The following TRIM49B variants were observed in gnomAD, a reference collection of about 807,000 sequenced individuals.
The protein encoded by TRIM49B is tripartite motif containing 49B.
TRIM49B carries 18 observed loss-of-function variants against 31.8 expected under a neutral mutation model. The observed-to-expected ratio is 0.57, with a 90% CI of 0.39 to 0.84. The LOEUF (loss-of-function observed/expected upper bound fraction) is 0.84. Among genes scored for constraint, TRIM49B ranks in the 40% least tolerant of loss-of-function variants. The pLI is 0.00. For missense variants in TRIM49B, 494 were observed against 538.7 expected (o/e 0.92, Z 0.82); for synonymous variants, 196 against 180.6 (o/e 1.09, Z -0.68).
Position 49,034,259 on chromosome 11 carries a change from T to C in TRIM49B, c.621T>C (p.Asp207=), listed in dbSNP as rs751931740. 5 of 1,611,974 alleles carry C rather than the reference T, an allele frequency of 3.1e-6. No individual in the cohort carries two copies. Among genetic ancestry groups the C allele is most frequent in the South Asian group, 1.1e-5 (1 of 90,986 alleles). The change falls in exon 4 of 7, where the codon GAT becomes GAC. Residue 207 remains aspartate (D), a synonymous_variant. Coordinates refer to ENST00000332682, the MANE Select transcript of TRIM49B (RefSeq NM_001206626.2). ...NLEMLKKKGK[D]IFHRLHLSKA... ...AGATGCTGAAAAAGAAGGGGAAAGA[T>C]ATTTTTCATCGACTTCATTTAAGTA...
At chr11:49,031,574 C>A (rs780631709) in intron 1 of TRIM49B, 22 bp from the exon 2 acceptor site, 2 of 1,611,202 alleles carry the variant, frequency 1.2e-6, no homozygotes, top group East Asian at 4.5e-5. Context: ...CCCAAAATGA[C>A]ATGTTTCTCT....
chr11:49,032,298 A>G lies in TRIM49B; in HGVS notation c.434A>G (p.Gln145Arg), dbSNP rs760116005. ...EHQEKLLQKM[Q>R]SLWEKACENH... ...CAGGAGAAGCTTTTACAGAAAATGC[A>G]GTCTTTGTGGGAAAAAGCTTGTGAA... Residue 145 changes from glutamine to arginine, a missense_variant, in exon 3 of 7, where the codon CAG becomes CGG. By Grantham distance (43) the Gln-to-Arg change is conservative (BLOSUM62 1). Around this residue, in one of 3 missense-constraint regions of TRIM49B, gnomAD observed 251 missense variants for 232.8 expected, o/e 1.08. Coordinates refer to ENST00000332682, the MANE Select transcript of TRIM49B (RefSeq NM_001206626.2). 1.2e-6 allele frequency: 2 copies of G among 1,613,202 alleles called. No individual in the cohort carries two copies. Among genetic ancestry groups the G allele is most frequent in the Non-Finnish European group, 1.7e-6 (2 of 1,179,764 alleles).
rs1160684806 is a variant in TRIM49B, at chr11:49,036,898, A to G, written c.859+500A>G. On this transcript the variant is annotated intron_variant, in intron 6 of 6. Coordinates refer to ENST00000332682, the MANE Select transcript of TRIM49B (RefSeq NM_001206626.2). ...AAAAGGAAGAAATCATTTTGTGAAT[A>G]TAAGTAAAATTACAAATGAAAATAA... 2.6e-5 allele frequency among the ~76,000 whole-genome samples: 4 copies of G among 152,244 alleles called. No homozygotes were observed. The South Asian group carries it at 6.2e-4, about 24-fold the overall frequency.
chr11:49,029,701 T>C (rs922725058), intron 1 of TRIM49B, among the ~76,000 whole-genome samples: 3 of 152,240 alleles, frequency 2.0e-5, no homozygotes, highest in African/African-American at 7.2e-5. Context: ...ACAAAGATTA[T>C]AGTTTTTATA....
At chr11:49,032,033 G>T (rs1464291697) in intron 2 of TRIM49B, 23 bp downstream of exon 2, 1 of 1,611,734 alleles carries the variant, frequency 6.2e-7, no homozygotes, top group Admixed American at 1.7e-5. Context: ...TCTGAAGATC[G>T]ATTTCTGTAA....
At chr11:49,037,319 C>T (rs2696915) in intron 6 of TRIM49B, among the ~76,000 whole-genome samples, 159 bp from the exon 7 acceptor site, 122,779 of 152,098 alleles carry the variant, frequency 0.81, 49,879 homozygotes, top group African/African-American at 0.83. Context: ...GGTTAGGGTT[C>T]TGTTTGTCTT....
At chr11:49,031,120 C>T (rs1364412931) in intron 1 of TRIM49B, among the ~76,000 whole-genome samples, 2 of 151,902 alleles carry the variant, frequency 1.3e-5, no homozygotes, top group Non-Finnish European at 2.9e-5. Flanking sequence ...TGGTGGTTTG[C>T]TGCCCGGCTT....
chr11:49,035,490 C>G, intron 5 of TRIM49B, among the ~76,000 whole-genome samples: 1 of 151,192 alleles, frequency 6.6e-6, no homozygotes. Flanking sequence ...CTCCCGAGTA[C>G]CGGGGACTAC....
At chr11:49,036,180 A>C in intron 5 of TRIM49B, 121 bp from the exon 6 acceptor site, 1 of 1,527,700 alleles carries the variant, frequency 6.5e-7, no homozygotes, top group Non-Finnish European at 8.8e-7. Context: ...GGAAGGAATA[A>C]TTTTTGAATT....
rs1854529271 is a variant in TRIM49B at position 49,036,295 on chromosome 11, T to C, written c.762-6T>C. 2 of 1,522,580 alleles carry C rather than the reference T, an allele frequency of 1.3e-6. No homozygotes were observed. The allele number at this position is 1,522,580 out of a possible 1,614,324, so 94.3% of individuals were successfully genotyped here. ...AGATGTTGTAACTGCAGGTTTTTCC[T>C]TGCAGGAGTGAGTCCGTGCTGCTGC... is the stretch of plus-strand genomic sequence containing the variant. On this transcript the variant is annotated splice_polypyrimidine_tract_variant and splice_region_variant and intron_variant, in intron 5 of 6. Coordinates refer to ENST00000332682, the MANE Select transcript of TRIM49B (RefSeq NM_001206626.2).
chr11:49,035,029 A>G, intron 4 of TRIM49B, 66 bp from the exon 5 acceptor site: 1 of 1,602,092 alleles, frequency 6.2e-7, no homozygotes, highest in Non-Finnish European at 8.5e-7. Flanking sequence ...CAAATCTCAC[A>G]CTGAACTTAG....
Position 49,036,373 on chromosome 11 carries a change from G to C in TRIM49B, c.834G>C (p.Leu278=). Residue 278 remains leucine, a synonymous_variant, in exon 6 of 7, where the codon CTG becomes CTC. Transcript: ENST00000332682. ...TCAGTGCAGGGCCCATCACTGGACT[G>C]AGGGACAGGCTCAACCAATTCCGAG... ...PELSAGPITG[L]RDRLNQFRVH... 6.4e-7 allele frequency: 1 copy of C among 1,574,718 alleles called. No individual in the cohort carries two copies. Among genetic ancestry groups the C allele is most frequent in the Non-Finnish European group, 8.6e-7 (1 of 1,160,006 alleles).
Position 49,031,756 on chromosome 11 carries a change from T to C in TRIM49B, c.157T>C (p.Ser53Pro), listed in dbSNP as rs756536833. The change falls in exon 2 of 7, where the codon TCT (serine) becomes CCT (proline). Residue 53 changes from serine to proline, a missense_variant. Ser to Pro is a moderately conservative substitution (Grantham distance 74, BLOSUM62 -1). Transcript: ENST00000332682. ...WKDSPFLVQC[S>P]ECTKSTGQIN... is the part of the protein sequence containing the mutation. ...AGACAGCCCATTTCTTGTCCAGTGC[T>C]CTGAATGCACAAAGTCAACAGGGCA... The C allele has an allele frequency of 1.2e-6, 2 of 1,614,008 alleles. No individual in the cohort carries two copies. The highest frequency in any genetic ancestry group is 2.2e-5 in the South Asian group (2 of 91,082).
intron 5 of TRIM49B, among the ~76,000 whole-genome samples, chr11:49,035,640 G>T (rs1280475118): frequency 6.6e-6 from 1 of 152,020 alleles, no homozygotes; most frequent in Non-Finnish European, 1.5e-5. Context: ...TTACAGGCGT[G>T]AACCACCGCG....
chr11:49,034,408 G>C (rs760021858), intron 4 of TRIM49B, 32 bp downstream of exon 4: 1 of 1,611,782 alleles, frequency 6.2e-7, no homozygotes, highest in African/African-American at 1.3e-5. Context: ...TCAGGTTTTT[G>C]AATATTCACA....
At position 49,038,042 on chromosome 11, in the gene TRIM49B, C is replaced by G. The variant is rs1364783270; in HGVS notation, c.*65C>G. ...CCCCTTTATCCCAGGAAGTCCTCTT[C>G]CTTGTGCCTTAACATACAGGACAAA... On this transcript the variant is annotated 3_prime_UTR_variant, in exon 7 of 7. Coordinates refer to ENST00000332682, the MANE Select transcript of TRIM49B (RefSeq NM_001206626.2). 1.3e-6 allele frequency: 2 copies of G among 1,571,604 alleles called. No homozygotes were observed. The highest frequency in any genetic ancestry group is 2.2e-5 in the East Asian group (1 of 44,774).
intron 3 of TRIM49B, 65 bp downstream of exon 3, chr11:49,032,436 T>C (rs1320303603): frequency 3.1e-6 from 5 of 1,607,504 alleles, no homozygotes; most frequent in Non-Finnish European, 3.4e-6. Context: ...ACTCTTAAAA[T>C]AGGAACTGGA....
At position 49,037,525 on chromosome 11, in the gene TRIM49B, T is replaced by A; in HGVS notation, c.907T>A (p.Cys303Ser). 1.2e-6 allele frequency: 2 copies of A among 1,614,242 alleles called. No homozygotes were observed. The highest frequency in any genetic ancestry group is 1.7e-6 in the Non-Finnish European group (2 of 1,180,048). Residue 303 changes from cysteine (C) to serine (S), a missense_variant, in exon 7 of 7, where the codon TGT becomes AGT. By Grantham distance (112) the Cys-to-Ser change is moderately radical. This residue lies in a region of TRIM49B where 233 missense variants were observed against 281.4 expected (regional missense o/e 0.83). Coordinates refer to ENST00000332682, the MANE Select transcript of TRIM49B (RefSeq NM_001206626.2). ...AGAAGCCAACAGTGATATCTTTCTA[T>A]GTGAAATTTTGAGAAGCATGTGTAT... ...HEEANSDIFL[C>S]EILRSMCIGC... is the part of the protein sequence containing the mutation.
In TRIM49B at chr11:49,031,767, A is replaced by G. The variant is rs1370253967; in HGVS notation, c.168A>G (p.Thr56=). The G allele has an allele frequency of 6.2e-7, 1 of 1,613,866 alleles. No homozygotes were observed. The highest frequency in any genetic ancestry group is 8.5e-7 in the Non-Finnish European group (1 of 1,179,870). The change falls in exon 2 of 7, where the codon ACA becomes ACG. Residue 56 remains threonine, a synonymous_variant. Coordinates refer to ENST00000332682, the MANE Select transcript of TRIM49B (RefSeq NM_001206626.2). The part of the protein sequence containing the change: ...SPFLVQCSEC[T]KSTGQINLKT... ...TTCTTGTCCAGTGCTCTGAATGCAC[A>G]AAGTCAACAGGGCAGATAAACCTCA...
Sources: allele counts gnomAD v4.1 joint callset (sites outside exome capture counted in the v4.1 genomes callset), GRCh38; gene constraint gnomAD v4.1.1; regional missense constraint gnomAD v4.1.1; transcripts MANE v1.5; gene names NCBI Gene and HGNC (gene_info 2026-07-23, HGNC 2026-07-21).